The following PAK3 variants were observed in gnomAD, a reference collection of about 807,000 sequenced individuals.
The protein encoded by PAK3 is serine/threonine-protein kinase PAK 3.
PAK3 carries 4 observed loss-of-function variants against 41.0 expected under a neutral mutation model. That is an observed-to-expected ratio of 0.10 (90% CI 0.05 to 0.22). The LOEUF (loss-of-function observed/expected upper bound fraction) is 0.22. Ranked by LOEUF, PAK3 falls within the 10% of genes least tolerant of loss-of-function variation. The pLI, the probability that PAK3 is intolerant of heterozygous loss-of-function variation, is 1.00. For synonymous variants in PAK3, 146 were observed against 139.6 expected (o/e 1.05, Z -0.32); for missense variants, 205 against 409.9 (o/e 0.50, Z 4.32).
At chrX:111,179,305 A>T (rs1353961091) in intron 11 of PAK3, among the ~76,000 whole-genome samples, 1 of 110,085 alleles carries the variant, frequency 9.1e-6, no homozygotes, top group Non-Finnish European at 1.9e-5. Context: ...GTGGATATTT[A>T]TTCCTAGTCA....
intron 4 of PAK3, among the ~76,000 whole-genome samples, chrX:111,120,921 C>A (rs1234331180): frequency 8.9e-6 from 1 of 111,818 alleles, no homozygotes; most frequent in African/African-American, 3.3e-5. Context: ...TAAATTAAAA[C>A]CATGAACCTG....
chrX:111,205,768 A>G (rs1472464309), intron 16 of PAK3, among the ~76,000 whole-genome samples: 1 of 111,445 alleles, frequency 9.0e-6, no homozygotes, highest in Non-Finnish European at 1.9e-5. Flanking sequence ...TGCATATAAA[A>G]ATAGAAGTTG....
chrX:110,959,835 C>CA (rs2090942003), intron 1 of PAK3, among the ~76,000 whole-genome samples: 1 of 110,684 alleles, frequency 9.0e-6, no homozygotes, highest in African/African-American at 3.3e-5. Context: ...GAAAAAGAAG[C>CA]GAAAAAAGCC....
At chrX:111,025,839 CAAAAAAA>C (rs374978131) in intron 1 of PAK3, among the ~76,000 whole-genome samples, 6 of 79,365 alleles carry the variant, frequency 7.6e-5, no homozygotes, top group Admixed American at 7.1e-4. Context: ...AAGGATATAA[CAAAAAAA>C]AAAAAAAGAA....
chrX:111,049,323 G>A (rs187197831), intron 1 of PAK3, among the ~76,000 whole-genome samples: 105 of 111,927 alleles, frequency 9.4e-4, no homozygotes, highest in African/African-American at 3.3e-3. Flanking sequence ...TTATTTATGT[G>A]TTTATTACCC....
At chrX:111,132,002 A>G (rs1468956695) in intron 5 of PAK3, among the ~76,000 whole-genome samples, 1 of 111,580 alleles carries the variant, frequency 9.0e-6, no homozygotes, top group Non-Finnish European at 1.9e-5. Flanking sequence ...TAAAAAAAGG[A>G]AAAACCACAG....
intron 1 of PAK3, among the ~76,000 whole-genome samples, chrX:110,967,895 G>T (rs930791785): frequency 9.0e-6 from 1 of 111,638 alleles, no homozygotes; most frequent in South Asian, 3.8e-4. Flanking sequence ...TCATGTGTGG[G>T]TTTGTGTGTC....
rs761913710 is a variant in PAK3 at position 111,055,689 on chromosome X, C to G, written c.-27-67388C>G. On this transcript the variant is annotated intron_variant, in intron 1 of 14. Transcript: ENST00000425146. Reference sequence around the variant, plus strand: ...AGCTAATCTCTAACCAGAACAGGATCTACATCAACCATCAACGCTGACCAG... The same window carrying G: ...AGCTAATCTCTAACCAGAACAGGATGTACATCAACCATCAACGCTGACCAG... 3.6e-5 allele frequency among the ~76,000 whole-genome samples: 4 copies of G among 112,149 alleles called. No homozygotes were observed. In the South Asian group the frequency reaches 1.1e-3, roughly 31 times the overall value.
chrX:110,993,586 T>C (rs1015123438), intron 1 of PAK3, among the ~76,000 whole-genome samples: 6 of 112,026 alleles, frequency 5.4e-5, no homozygotes, highest in African/African-American at 9.7e-5. Context: ...TTTGACTGTA[T>C]TATAACTTGA....
In PAK3 at chrX:111,220,549, T is replaced by G. The variant is rs2094920156; in HGVS notation, c.*102T>G. The G allele has an allele frequency of 7.3e-6, 4 of 547,681 alleles. No homozygotes were observed. The highest frequency in any genetic ancestry group is 1.3e-5 in the Non-Finnish European group (4 of 309,189). The allele number at this position is 547,681 out of a possible 1,213,427, so 45.1% of individuals were successfully genotyped here. On this transcript the variant is annotated 3_prime_UTR_variant, in exon 18 of 18. Coordinates refer to ENST00000372007, the MANE Select transcript of PAK3 (RefSeq NM_002578.5). ...AAAAGACAGTCAAATGGGGTGGGGG[T>G]TCTTTACCTTTCAAATGAATAGAAA...
At chrX:111,170,337 A>G (rs1351840081) in intron 10 of PAK3, among the ~76,000 whole-genome samples, 1 of 110,113 alleles carries the variant, frequency 9.1e-6, no homozygotes, top group Non-Finnish European at 1.9e-5. Context: ...GTCTTATTTA[A>G]CTTAATTTAA....
At chrX:111,015,188 G>C (rs191959521) in intron 1 of PAK3, among the ~76,000 whole-genome samples, 1 of 110,808 alleles carries the variant, frequency 9.0e-6, no homozygotes, top group Admixed American at 9.6e-5. Flanking sequence ...CTACTAACTA[G>C]TATAGTGACT....
chrX:111,023,019 C>T (rs908758295), intron 1 of PAK3, among the ~76,000 whole-genome samples: 3 of 110,376 alleles, frequency 2.7e-5, no homozygotes, highest in Non-Finnish European at 5.7e-5. Flanking sequence ...TTAGGTATTT[C>T]TCCTAATGCT....
intron 1 of PAK3, among the ~76,000 whole-genome samples, chrX:111,015,332 G>C (rs774201825): frequency 8.4e-4 from 93 of 110,600 alleles, no homozygotes; most frequent in Admixed American, 1.6e-3. Context: ...ATCATACTTT[G>C]GTTATCCATC....
intron 11 of PAK3, among the ~76,000 whole-genome samples, chrX:111,174,370 G>A (rs1220756937): frequency 9.0e-6 from 1 of 110,995 alleles, no homozygotes; most frequent in African/African-American, 3.3e-5. Context: ...AAGACCCTAA[G>A]GGGGACAGAA....
chrX:111,001,409 T>G (rs2091846181), intron 1 of PAK3, among the ~76,000 whole-genome samples: 1 of 111,847 alleles, frequency 8.9e-6, no homozygotes, highest in South Asian at 3.8e-4. Context: ...TCCTGTGTTT[T>G]ATTCCTCTCC....
At chrX:111,043,997 A>T (rs559837263) in intron 1 of PAK3, among the ~76,000 whole-genome samples, 1 of 112,372 alleles carries the variant, frequency 8.9e-6, no homozygotes, top group Non-Finnish European at 1.9e-5. Flanking sequence ...GCCTAACAAT[A>T]CTTAAATACC....
At chrX:111,132,863 A>G (rs764231516) in intron 5 of PAK3, among the ~76,000 whole-genome samples, 1 of 111,384 alleles carries the variant, frequency 9.0e-6, no homozygotes, top group Non-Finnish European at 1.9e-5. Flanking sequence ...ATCCTCAGGT[A>G]ATTTTCAACA....
intron 10 of PAK3, among the ~76,000 whole-genome samples, chrX:111,171,105 T>C (rs2094333927): frequency 9.0e-6 from 1 of 111,134 alleles, no homozygotes; most frequent in African/African-American, 3.3e-5. Flanking sequence ...GCAGAGTCTA[T>C]GAGTAGGTTA....
Sources: gnomAD v4.1 joint callset for allele counts (sites outside exome capture counted in the v4.1 genomes callset) on GRCh38, gnomAD v4.1.1 for gene constraint, MANE v1.5 for transcripts, NCBI Gene and HGNC (gene_info 2026-07-23, HGNC 2026-07-21) for gene names.